The following WFDC10B variants were observed in gnomAD, a reference collection of about 807,000 sequenced individuals.
WFDC10B encodes WAP four-disulfide core domain 10B.
A neutral mutation model predicts 2.7 loss-of-function variants in WFDC10B; 1 was observed. The ratio of observed to expected loss-of-function variants is 0.38; its 90% confidence interval spans 0.13 to 1.79. The LOEUF (loss-of-function observed/expected upper bound fraction) is 1.79, where lower values mean the gene tolerates loss of function less well. Ranked by LOEUF, WFDC10B falls within the 40% of genes most tolerant of loss-of-function variation. The pLI is 0.33. For synonymous variants in WFDC10B, 26 were observed against 32.2 expected, an observed-to-expected ratio of 0.81 and a Z score of 0.65; for missense variants, 71 against 87.8, an observed-to-expected ratio of 0.81 and a Z score of 0.76.
At chr20:45,688,216 A>G (rs1983693469) in intron 2 of WFDC10B, among the ~76,000 whole-genome samples, 1 of 151,908 alleles carries the variant, frequency 6.6e-6, no homozygotes, top group African/African-American at 2.4e-5. Context: ...ATCATTTTTT[A>G]TGGCTGCATA....
chr20:45,685,606 C>T (rs138336968), intron 3 of WFDC10B, among the ~76,000 whole-genome samples: 1 of 152,196 alleles, frequency 6.6e-6, no homozygotes, highest in Non-Finnish European at 1.5e-5. Context: ...GTCTTGCTTT[C>T]CCATTGGATT....
intron 2 of WFDC10B, among the ~76,000 whole-genome samples, chr20:45,688,857 T>TAATTA: frequency 6.6e-6 from 1 of 152,222 alleles, no homozygotes; most frequent in Non-Finnish European, 1.5e-5. Context: ...AGATCCCATT[T>TAATTA]GTCAATTTTG....
At chr20:45,686,191 T>C in intron 2 of WFDC10B, 135 bp from the exon 3 acceptor site, 1 of 1,032,608 alleles carries the variant, frequency 9.7e-7, no homozygotes, top group South Asian at 2.0e-5. Context: ...CCATGTAGGA[T>C]AGGGCTTCTG....
At chr20:45,688,794 C>G (rs1260282332) in intron 2 of WFDC10B, among the ~76,000 whole-genome samples, 4 of 151,550 alleles carry the variant, frequency 2.6e-5, no homozygotes, top group Non-Finnish European at 5.9e-5. Flanking sequence ...TTATGGGTTG[C>G]CTGTTCTCTG....
chr20:45,690,461 A>T (rs1983775684), intron 2 of WFDC10B, among the ~76,000 whole-genome samples: 1 of 151,552 alleles, frequency 6.6e-6, no homozygotes, highest in Non-Finnish European at 1.5e-5. Flanking sequence ...CTGTGAATCC[A>T]TCTGGTCCTG....
chr20:45,690,786 GCT>G (rs760136140), intron 2 of WFDC10B, among the ~76,000 whole-genome samples: 23 of 151,994 alleles, frequency 1.5e-4, no homozygotes, highest in Non-Finnish European at 2.8e-4. Flanking sequence ...CAAAAAACCA[GCT>G]CCTAGATTCA....
intron 2 of WFDC10B, among the ~76,000 whole-genome samples, chr20:45,696,730 T>C (rs1379654240): frequency 6.6e-6 from 1 of 152,100 alleles, no homozygotes; most frequent in Non-Finnish European, 1.5e-5. Flanking sequence ...AACAGACCTA[T>C]AACAAATAAA....
Position 45,702,205 on chromosome 20 carries a change from G to A in WFDC10B, c.-65+2292C>T. On this transcript the variant is annotated intron_variant, in intron 2 of 3. Coordinates refer to ENST00000330523, the MANE Select transcript of WFDC10B (RefSeq NM_172006.2). ...GGTGCCTGGGAGTCCCAAGCAGCGTGTTCTGAGTAGGTGCTGGATCTGGGC... is the reference window on the plus strand; with the variant it reads ...GGTGCCTGGGAGTCCCAAGCAGCGTATTCTGAGTAGGTGCTGGATCTGGGC... 1.9e-6 allele frequency: 3 copies of A among 1,611,916 alleles called. No individual in the cohort carries two copies. Among genetic ancestry groups the A allele is most frequent in the South Asian group, 1.1e-5 (1 of 90,350 alleles).
At chr20:45,689,249 G>T (rs1019913929) in intron 2 of WFDC10B, among the ~76,000 whole-genome samples, 4 of 151,612 alleles carry the variant, frequency 2.6e-5, no homozygotes, top group Non-Finnish European at 5.9e-5. Flanking sequence ...TGTAGCCTTG[G>T]AGTATAGTCT....
At chr20:45,689,887 G>C (rs1400929033) in intron 2 of WFDC10B, among the ~76,000 whole-genome samples, 1 of 152,084 alleles carries the variant, frequency 6.6e-6, no homozygotes, top group Non-Finnish European at 1.5e-5. Context: ...TGTTGAATAG[G>C]AGTGGTGAGA....
At chr20:45,695,935 G>C (rs1380905275) in intron 2 of WFDC10B, among the ~76,000 whole-genome samples, 1 of 151,910 alleles carries the variant, frequency 6.6e-6, no homozygotes, top group African/African-American at 2.4e-5. Context: ...AAAAACTTAT[G>C]AGATGCAGTA....
intron 2 of WFDC10B, among the ~76,000 whole-genome samples, chr20:45,698,977 AAAAG>A (rs1252140215): frequency 7.4e-5 from 11 of 148,786 alleles, no homozygotes; most frequent in African/African-American, 1.0e-4. Flanking sequence ...AAAAAAAAAA[AAAAG>A]AAGAAGGAGG....
intron 2 of WFDC10B, among the ~76,000 whole-genome samples, chr20:45,690,020 A>G (rs1983756314): frequency 6.6e-6 from 1 of 152,056 alleles, no homozygotes; most frequent in South Asian, 2.1e-4. Flanking sequence ...CGTCCCATCA[A>G]TACCTAATTT....
intron 2 of WFDC10B, among the ~76,000 whole-genome samples, chr20:45,699,204 G>A (rs973548645): frequency 2.0e-5 from 3 of 152,100 alleles, no homozygotes; most frequent in African/African-American, 7.2e-5. Context: ...AGCCGCTGTG[G>A]GAAGAGTTTG....
chr20:45,701,669 C>A (rs1170772714), intron 2 of WFDC10B, among the ~76,000 whole-genome samples: 1 of 147,956 alleles, frequency 6.8e-6, no homozygotes, highest in East Asian at 2.0e-4. Flanking sequence ...GTCTGAGACA[C>A]AAGAATTGCT....
chr20:45,697,560 C>A (rs546328118), intron 2 of WFDC10B, among the ~76,000 whole-genome samples: 1 of 151,676 alleles, frequency 6.6e-6, no homozygotes, highest in Non-Finnish European at 1.5e-5. Context: ...CCATGTTGCC[C>A]AGGCTGATCT....
At chr20:45,695,710 G>T in intron 2 of WFDC10B, among the ~76,000 whole-genome samples, 1 of 152,100 alleles carries the variant, frequency 6.6e-6, no homozygotes, top group East Asian at 1.9e-4. Context: ...TTTGAGCCAG[G>T]CATGTTGACT....
rs1983563075 is a variant in WFDC10B, at chr20:45,685,037, G to A, written c.92-77C>T. 2.5e-6 allele frequency: 4 copies of A among 1,586,354 alleles called. No individual in the cohort carries two copies. In the Admixed American group the frequency reaches 7.0e-5, roughly 28 times the overall value. Reference sequence around the variant, plus strand: ...CTTCTCAAGCTTGAAGCTCCTCCATGGCCCCAGAACCAAGGCACCCCTGCC... The same window carrying A: ...CTTCTCAAGCTTGAAGCTCCTCCATAGCCCCAGAACCAAGGCACCCCTGCC... On this transcript the variant is annotated intron_variant, in intron 3 of 3. Coordinates refer to ENST00000330523, the MANE Select transcript of WFDC10B (RefSeq NM_172006.2).
At chr20:45,689,856 A>T (rs1271206077) in intron 2 of WFDC10B, among the ~76,000 whole-genome samples, 24 of 152,208 alleles carry the variant, frequency 1.6e-4, no homozygotes, top group Non-Finnish European at 3.1e-4. Flanking sequence ...CTAATTGCCC[A>T]GGCCAGAACT....
Sources: allele counts gnomAD v4.1 joint callset (sites outside exome capture counted in the v4.1 genomes callset), GRCh38; gene constraint gnomAD v4.1.1; transcripts MANE v1.5; gene names NCBI Gene and HGNC (gene_info 2026-07-23, HGNC 2026-07-21).